The following INSYN1 variants were observed in gnomAD, a reference collection of about 807,000 sequenced individuals.
INSYN1 encodes the protein inhibitory synaptic factor 1.
In INSYN1, 7 loss-of-function variants were observed where a neutral mutation model predicts 17.1. The observed-to-expected ratio is 0.41, with a 90% CI of 0.23 to 0.77. INSYN1 has a LOEUF of 0.77. Ranked by LOEUF, INSYN1 falls within the 30% of genes least tolerant of loss-of-function variation. The pLI, the probability that INSYN1 is intolerant of heterozygous loss-of-function variation, is 0.32. For missense variants in INSYN1, 339 were observed against 400.6 expected, an observed-to-expected ratio of 0.85 and a Z score of 1.31; for synonymous variants, 174 against 166.3, an observed-to-expected ratio of 1.05 and a Z score of -0.36.
rs1189184902 is a variant in INSYN1, at chr15:73,738,682, CAAAAATAAA to C, written c.*1226_*1234del. ...TGGGTGACAGAGCGAGACTCCATCT[CAAAAATAAA>C]AAAAATAAAAATAAAAAAAGAAAGA... is the stretch of plus-strand genomic sequence containing the variant. On this transcript the variant is annotated 3_prime_UTR_variant, in exon 3 of 3. Coordinates refer to ENST00000569673, the MANE Select transcript of INSYN1 (RefSeq NM_001039614.3). The C allele has an allele frequency of 6.7e-6, 1 of 148,368 alleles. No individual in the cohort carries two copies. Among genetic ancestry groups the C allele is most frequent in the Non-Finnish European group, 1.5e-5 (1 of 67,296 alleles). 9.2% of individuals were successfully genotyped at this position (148,368 alleles called of 1,614,324 possible). A position where few individuals can be genotyped will look rare whatever the true frequency, so the allele number is the denominator to read the frequency against.
intron 2 of INSYN1, among the ~76,000 whole-genome samples, chr15:73,742,179 C>T (rs754826307): frequency 6.6e-6 from 1 of 152,152 alleles, no homozygotes; most frequent in Non-Finnish European, 1.5e-5. Flanking sequence ...TTGCCCAGGC[C>T]AGGAGTGGGG....
At chr15:73,750,848 G>T in intron 2 of INSYN1, 127 bp downstream of exon 2, 3 of 1,022,112 alleles carry the variant, frequency 2.9e-6, no homozygotes, top group Non-Finnish European at 4.4e-6. Context: ...GAGAAAGAAG[G>T]TCCCCAGTAG....
In INSYN1 at chr15:73,738,746, TC is replaced by T. The variant is rs1901597283; in HGVS notation, c.*1170del. 1 of 152,080 alleles carries T rather than the reference TC, an allele frequency of 6.6e-6. No homozygotes were observed. Among genetic ancestry groups the T allele is most frequent in the African/African-American group, 2.4e-5 (1 of 41,402 alleles). The allele number at this position is 152,080 out of a possible 1,614,324, so 9.4% of individuals were successfully genotyped here. ...AAAAGAAAAATGGGGTAATAATACT[TC>T]CTGTCTCATCAGGTTATTGTGGTGA... On this transcript the variant is annotated 3_prime_UTR_variant, in exon 3 of 3. Transcript: ENST00000569673.
intron 2 of INSYN1, among the ~76,000 whole-genome samples, chr15:73,743,366 G>A (rs1901736311): frequency 6.6e-6 from 1 of 152,194 alleles, no homozygotes; most frequent in South Asian, 2.1e-4. Context: ...AACCTGGGGG[G>A]ATGGAGGAAA....
At position 73,739,964 on chromosome 15, in the gene INSYN1, C is replaced by G. The variant is rs1901640104; in HGVS notation, c.835G>C (p.Val279Leu). The G allele has an allele frequency of 6.4e-7, 1 of 1,570,994 alleles. No individual in the cohort carries two copies. Among genetic ancestry groups the G allele is most frequent in the South Asian group, 1.1e-5 (1 of 90,266 alleles). ...TGTCTAGTGGCTGTGTAGGGCAGAA[C>G]CGTCTGCGTGCTCTTGTCTGACACT... ...QTVSDKSTQTVLPYTATRQKA... is the reference protein window; with the variant it reads ...QTVSDKSTQTLLPYTATRQKA... The change falls in exon 3 of 3, where the codon GTT becomes CTT. Residue 279 changes from valine (V) to leucine (L), a missense_variant. Coordinates refer to ENST00000569673, the MANE Select transcript of INSYN1 (RefSeq NM_001039614.3).
chr15:73,743,477 T>A (rs1195828887), intron 2 of INSYN1, among the ~76,000 whole-genome samples: 1 of 152,014 alleles, frequency 6.6e-6, no homozygotes, highest in African/African-American at 2.4e-5. Context: ...TGATTTCCTG[T>A]CCTATAAAAG....
chr15:73,744,530 C>T (rs1901772514), intron 2 of INSYN1, among the ~76,000 whole-genome samples: 1 of 152,184 alleles, frequency 6.6e-6, no homozygotes, highest in Admixed American at 6.5e-5. Flanking sequence ...TGGGTCAGTT[C>T]ACAATCCCCA....
intron 2 of INSYN1, among the ~76,000 whole-genome samples, chr15:73,748,697 C>A (rs568069709): frequency 6.6e-6 from 1 of 152,210 alleles, no homozygotes; most frequent in Non-Finnish European, 1.5e-5. Context: ...TGGCACCCCC[C>A]CTTGGTAACC....
In INSYN1 at chr15:73,738,119, C is replaced by CA. The variant is rs1217970205; in HGVS notation, c.*1797dup. The CA allele has an allele frequency of 6.6e-6, 1 of 152,304 alleles. No individual in the cohort carries two copies. The highest frequency in any genetic ancestry group is 1.5e-5 in the Non-Finnish European group (1 of 68,086). 9.4% of individuals were successfully genotyped at this position (152,304 alleles called of 1,614,324 possible). A position where few individuals can be genotyped will look rare whatever the true frequency, so the allele number is the denominator to read the frequency against. On this transcript the variant is annotated 3_prime_UTR_variant, in exon 3 of 3. Coordinates refer to ENST00000569673, the MANE Select transcript of INSYN1 (RefSeq NM_001039614.3). ...GGCCACACTGACCACAAGGCATGTC[C>CA]AGTGCCTTCAGTTTGTCAAGTGCTT...
At chr15:73,743,201 G>A (rs546151656) in intron 2 of INSYN1, among the ~76,000 whole-genome samples, 1 of 152,334 alleles carries the variant, frequency 6.6e-6, no homozygotes, top group East Asian at 1.9e-4. Flanking sequence ...CCCAGAAGCT[G>A]GGTCTCCTGA....
chr15:73,743,145 C>T (rs1008440618), intron 2 of INSYN1, among the ~76,000 whole-genome samples: 2 of 152,236 alleles, frequency 1.3e-5, no homozygotes, highest in East Asian at 1.9e-4. Flanking sequence ...ATTGGAGTTG[C>T]ATGACTTGGC....
chr15:73,744,963 A>C (rs759758982), intron 2 of INSYN1, among the ~76,000 whole-genome samples: 1 of 141,852 alleles, frequency 7.0e-6, no homozygotes, highest in African/African-American at 2.4e-5. Context: ...TGCTCTGAAG[A>C]GACCAAGAGG....
intron 2 of INSYN1, among the ~76,000 whole-genome samples, chr15:73,744,692 AT>A (rs1901776605): frequency 6.6e-6 from 1 of 152,128 alleles, no homozygotes; most frequent in East Asian, 1.9e-4. Context: ...GTAATTTGGG[AT>A]TGTCTTGGAG....
At chr15:73,743,244 G>C (rs2141466406) in intron 2 of INSYN1, among the ~76,000 whole-genome samples, 1 of 152,342 alleles carries the variant, frequency 6.6e-6, no homozygotes, top group Admixed American at 6.5e-5. Context: ...TTGGGCCTCA[G>C]GCAGGGAAGA....
At position 73,750,947 on chromosome 15, in the gene INSYN1, G is replaced by A. The variant is rs374999652; in HGVS notation, c.156+28C>T. The A allele has an allele frequency of 5.0e-6, 8 of 1,613,532 alleles. No individual in the cohort carries two copies. In the African/African-American group the frequency reaches 1.1e-4, roughly 22 times the overall value. On this transcript the variant is annotated intron_variant, in intron 2 of 2. Coordinates refer to ENST00000569673, the MANE Select transcript of INSYN1 (RefSeq NM_001039614.3). ...ACCCAAGAAGGTTGGCTTAGGGTCT[G>A]TCTGGTCCCTCCTCACCCCTCACTT...
At chr15:73,741,828 G>T (rs183486220) in intron 2 of INSYN1, among the ~76,000 whole-genome samples, 1 of 152,302 alleles carries the variant, frequency 6.6e-6, no homozygotes, top group Non-Finnish European at 1.5e-5. Flanking sequence ...TCAACAAACA[G>T]TTGCTAAGGG....
chr15:73,750,936 G>A (rs1567037842), intron 2 of INSYN1, 39 bp downstream of exon 2: 3 of 1,611,712 alleles, frequency 1.9e-6, no homozygotes, highest in Admixed American at 1.7e-5. Flanking sequence ...AAGAAGGTTG[G>A]CTTAGGGTCT....
chr15:73,740,035 G>A lies in INSYN1; in HGVS notation c.764C>T (p.Ala255Val), dbSNP rs770954278. The change falls in exon 3 of 3, where the codon GCC (alanine) becomes GTC (valine). Residue 255 changes from alanine to valine, a missense_variant. Transcript: ENST00000569673. ...LTSRHSGSTLAPEQTRRVTRN... is the reference protein window; with the variant it reads ...LTSRHSGSTLVPEQTRRVTRN... ...CGTGACCCTTCGAGTCTGTTCAGGG[G>A]CCAAGGTAGAGCCTGAGTGGCGGCT... The A allele has an allele frequency of 2.5e-6, 4 of 1,613,690 alleles. No individual in the cohort carries two copies. The highest frequency in any genetic ancestry group is 3.3e-5 in the Admixed American group (2 of 59,994).
chr15:73,751,420 G>A lies in INSYN1; in HGVS notation c.-290C>T, dbSNP rs1211076229. 2 of 448,290 alleles carry A rather than the reference G, an allele frequency of 4.5e-6. No individual in the cohort carries two copies. Among genetic ancestry groups the A allele is most frequent in the Non-Finnish European group, 8.3e-6 (2 of 242,332 alleles). 27.8% of individuals were successfully genotyped at this position (448,290 alleles called of 1,614,324 possible). A position where few individuals can be genotyped will look rare whatever the true frequency, so the allele number is the denominator to read the frequency against. On this transcript the variant is annotated 5_prime_UTR_variant, in exon 2 of 3. Coordinates refer to ENST00000569673, the MANE Select transcript of INSYN1 (RefSeq NM_001039614.3). ...CCTTGGGTCCCAGGAGTGGCCTCCAGGTCTTGAAGTGCCTGTGGGTGTGCA... is the reference window on the plus strand; with the variant it reads ...CCTTGGGTCCCAGGAGTGGCCTCCAAGTCTTGAAGTGCCTGTGGGTGTGCA...
Sources: allele counts gnomAD v4.1 joint callset (sites outside exome capture counted in the v4.1 genomes callset), GRCh38; gene constraint gnomAD v4.1.1; transcripts MANE v1.5; gene names NCBI Gene and HGNC (gene_info 2026-07-23, HGNC 2026-07-21).